Variants in CDYL2 observed in about 807,000 individuals in gnomAD.
CDYL2 encodes chromodomain Y-like protein 2.
Under a neutral mutation model 49.4 loss-of-function variants are expected in CDYL2, and 23 were observed. The ratio of observed to expected loss-of-function variants is 0.47; its 90% CI spans 0.34 to 0.66. CDYL2 has a LOEUF of 0.66. CDYL2 is among the 30% of genes least tolerant of loss of function. The probability of loss-of-function intolerance (pLI) is 0.01; values close to 1 mark genes in which losing one functional copy is unlikely to be tolerated. For synonymous variants in CDYL2, 360 were observed against 268.8 expected (o/e 1.34, Z -3.32); for missense variants, 678 against 656.4 (o/e 1.03, Z -0.36).
At chr16:80,782,606 T>C (rs1907308688) in intron 1 of CDYL2, among the ~76,000 whole-genome samples, 3 of 144,058 alleles carry the variant, frequency 2.1e-5, no homozygotes, top group Admixed American at 1.4e-4. Context: ...AACAAAATAC[T>C]AGGAAACCAA....
At chr16:80,642,584 T>TAC in intron 2 of CDYL2, among the ~76,000 whole-genome samples, 1 of 152,248 alleles carries the variant, frequency 6.6e-6, no homozygotes, top group East Asian at 1.9e-4. Flanking sequence ...GACAAAGACA[T>TAC]CGGGTAGACT....
At chr16:80,648,913 G>A (rs1908468536) in intron 2 of CDYL2, among the ~76,000 whole-genome samples, 1 of 152,038 alleles carries the variant, frequency 6.6e-6, no homozygotes, top group African/African-American at 2.4e-5. Context: ...TATTTCAATT[G>A]GTGCTGAGAA....
chr16:80,787,927 AG>A (rs1370542251), intron 1 of CDYL2, among the ~76,000 whole-genome samples: 1 of 152,214 alleles, frequency 6.6e-6, no homozygotes, highest in Non-Finnish European at 1.5e-5. Flanking sequence ...CCTTACCCAT[AG>A]GAAGTCTAGG....
At chr16:80,774,966 G>A (rs1907033546) in intron 1 of CDYL2, among the ~76,000 whole-genome samples, 1 of 151,532 alleles carries the variant, frequency 6.6e-6, no homozygotes, top group Non-Finnish European at 1.5e-5. Flanking sequence ...TTAGCATTAA[G>A]AAATCTGTGA....
chr16:80,626,496 T>A (rs1212004234), intron 3 of CDYL2, among the ~76,000 whole-genome samples: 1 of 152,210 alleles, frequency 6.6e-6, no homozygotes, highest in African/African-American at 2.4e-5. Context: ...AGGTAGTTAC[T>A]CTTAGCCTTT....
intron 1 of CDYL2, among the ~76,000 whole-genome samples, chr16:80,708,836 G>A (rs554859440): frequency 8.1e-4 from 124 of 152,206 alleles, no homozygotes; most frequent in Non-Finnish European, 1.5e-3. Flanking sequence ...TCGAGATAGA[G>A]CAGACAGGAA....
At chr16:80,755,610 C>T (rs914551613) in intron 1 of CDYL2, among the ~76,000 whole-genome samples, 2 of 152,206 alleles carry the variant, frequency 1.3e-5, no homozygotes, top group Non-Finnish European at 2.9e-5. Flanking sequence ...ATTTGAGATA[C>T]TTATCCTCAG....
intron 1 of CDYL2, among the ~76,000 whole-genome samples, chr16:80,719,997 G>A (rs1321450675): frequency 1.3e-5 from 2 of 152,170 alleles, no homozygotes; most frequent in East Asian, 3.9e-4. Flanking sequence ...CCCTGTGGCT[G>A]GCTCATTTCC....
At chr16:80,613,292 G>A (rs1008678505) in intron 4 of CDYL2, among the ~76,000 whole-genome samples, 8 of 152,286 alleles carry the variant, frequency 5.3e-5, no homozygotes, top group African/African-American at 1.9e-4. Context: ...CTGGCCAAAG[G>A]TGAATGGAGT....
At chr16:80,608,475 CTG>C (rs1411214509) in intron 5 of CDYL2, among the ~76,000 whole-genome samples, 1 of 152,200 alleles carries the variant, frequency 6.6e-6, no homozygotes, top group Non-Finnish European at 1.5e-5. Context: ...TACTGTGACT[CTG>C]TATGCCCCAC....
chr16:80,618,426 G>A (rs150048877), intron 4 of CDYL2, among the ~76,000 whole-genome samples: 4 of 152,322 alleles, frequency 2.6e-5, no homozygotes, highest in African/African-American at 9.6e-5. Flanking sequence ...CAGGAGAAGA[G>A]GTTTTGCCCC....
chr16:80,691,845 G>C (rs1338884664), intron 1 of CDYL2, among the ~76,000 whole-genome samples: 1 of 152,166 alleles, frequency 6.6e-6, no homozygotes, highest in African/African-American at 2.4e-5. Flanking sequence ...TGAAAAAAAC[G>C]ATTCATTTAC....
At chr16:80,766,719 G>T (rs1906739337) in intron 1 of CDYL2, among the ~76,000 whole-genome samples, 1 of 152,126 alleles carries the variant, frequency 6.6e-6, no homozygotes, top group Admixed American at 6.5e-5. Context: ...ATATCTAACT[G>T]CCAATTCTAA....
At chr16:80,632,101 A>C (rs910783166) in intron 3 of CDYL2, among the ~76,000 whole-genome samples, 3 of 152,256 alleles carry the variant, frequency 2.0e-5, no homozygotes, top group African/African-American at 7.2e-5. Context: ...ATATGTTCAC[A>C]TAAAAACTTG....
chr16:80,742,803 T>C (rs949784534), intron 1 of CDYL2, among the ~76,000 whole-genome samples: 5 of 44,460 alleles, frequency 1.1e-4, no homozygotes, highest in Non-Finnish European at 4.0e-4. Context: ...GACTGACAAA[T>C]AGACAGATGT....
intron 6 of CDYL2, among the ~76,000 whole-genome samples, chr16:80,605,720 G>C (rs1906301717): frequency 6.6e-6 from 1 of 151,920 alleles, no homozygotes; most frequent in African/African-American, 2.4e-5. Flanking sequence ...ACTAATAATA[G>C]TAATGAGTAA....
intron 2 of CDYL2, among the ~76,000 whole-genome samples, chr16:80,669,500 G>A (rs1438913970): frequency 6.6e-6 from 1 of 152,050 alleles, no homozygotes; most frequent in Non-Finnish European, 1.5e-5. Flanking sequence ...GGGAGATGGT[G>A]GCACAGATCT....
chr16:80,646,718 G>A, intron 2 of CDYL2, among the ~76,000 whole-genome samples: 1 of 152,128 alleles, frequency 6.6e-6, no homozygotes, highest in East Asian at 1.9e-4. Flanking sequence ...GAACCAGGGA[G>A]TCAGAGGTTG....
At position 80,648,171 on chromosome 16, in the gene CDYL2, T is replaced by C. The variant is rs554104238; in HGVS notation, c.617-14935A>G. Reference sequence around the variant, plus strand: ...AAAATAATAAAGATCAGAGTGGAAATAGATAAAATTGAAAAGAAGAAAATA... The same window carrying C: ...AAAATAATAAAGATCAGAGTGGAAACAGATAAAATTGAAAAGAAGAAAATA... On this transcript the variant is annotated intron_variant, in intron 2 of 6. Transcript: ENST00000570137. Among the ~76,000 whole-genome samples, 4 of 151,556 alleles carry C rather than the reference T, an allele frequency of 2.6e-5. No individual in the cohort carries two copies. The East Asian group carries it at 5.8e-4, about 22-fold the overall frequency.
Sources: gnomAD v4.1 joint callset for allele counts (sites outside exome capture counted in the v4.1 genomes callset) on GRCh38, gnomAD v4.1.1 for gene constraint, MANE v1.5 for transcripts, NCBI Gene and HGNC (gene_info 2026-07-23, HGNC 2026-07-21) for gene names.